The following RCSD1 variants were observed in gnomAD, a reference collection of about 807,000 sequenced individuals.
The protein encoded by RCSD1 is RCSD domain containing 1, also known as capZ-interacting protein.
In RCSD1, 26 loss-of-function variants were observed where a neutral mutation model predicts 42.5. The observed-to-expected ratio is 0.61, with a 90% CI of 0.45 to 0.85. The LOEUF (loss-of-function observed/expected upper bound fraction) is 0.85, where lower values mean the gene tolerates loss of function less well. Among genes scored for constraint, RCSD1 ranks in the 40% least tolerant of loss-of-function variants. The pLI, the probability that RCSD1 is intolerant of heterozygous loss-of-function variation, is 0.00. For missense variants in RCSD1, 571 were observed against 528.3 expected (o/e 1.08, Z -0.79); for synonymous variants, 220 against 212.2 (o/e 1.04, Z -0.32).
intron 1 of RCSD1, among the ~76,000 whole-genome samples, chr1:167,656,638 C>T (rs890649686): frequency 1.6e-4 from 24 of 152,204 alleles, no homozygotes; most frequent in African/African-American, 5.8e-4. Flanking sequence ...TGAGGAACAG[C>T]AGCTCCATTC....
intron 1 of RCSD1, among the ~76,000 whole-genome samples, chr1:167,646,928 A>G (rs1984986): frequency 0.04 from 6,148 of 152,182 alleles, 252 homozygotes; most frequent in African/African-American, 0.092. Context: ...CCAGGAGTTC[A>G]AGGCCAGCCT....
intron 6 of RCSD1, among the ~76,000 whole-genome samples, chr1:167,701,312 C>A (rs570056064): frequency 4.4e-5 from 6 of 137,722 alleles, no homozygotes; most frequent in Admixed American, 3.6e-4. Context: ...TTCTTTCTTT[C>A]TTTCTTTTTT....
chr1:167,630,397 C>G lies in RCSD1; in HGVS notation c.-27C>G, dbSNP rs2102188348. On this transcript the variant is annotated 5_prime_UTR_variant, in exon 1 of 7. Coordinates refer to ENST00000367854, the MANE Select transcript of RCSD1 (RefSeq NM_052862.4). ...CTCCGGCCCGGGCGAGCGGGTGCGT[C>G]TGCCGCAGAGTCGGCACCTGAAGGA... The G allele has an allele frequency of 6.6e-7, 1 of 1,518,448 alleles. No homozygotes were observed. Among genetic ancestry groups the G allele is most frequent in the South Asian group, 1.3e-5 (1 of 79,126 alleles). 94.1% of individuals were successfully genotyped at this position (1,518,448 alleles called of 1,614,324 possible).
chr1:167,693,657 C>T (rs72697733), intron 4 of RCSD1, among the ~76,000 whole-genome samples: 6,949 of 152,244 alleles, frequency 0.046, 213 homozygotes, highest in Middle Eastern at 0.12. Flanking sequence ...TGTGGGGTTG[C>T]TGTGGAGGAC....
intron 3 of RCSD1, among the ~76,000 whole-genome samples, 165 bp downstream of exon 3, chr1:167,685,675 C>A (rs1301738944): frequency 3.3e-5 from 5 of 152,154 alleles, no homozygotes. Context: ...TTTCCTGAAT[C>A]GTTTACTTTG....
intron 1 of RCSD1, among the ~76,000 whole-genome samples, chr1:167,651,327 G>T (rs1265493842): frequency 6.6e-6 from 1 of 152,158 alleles, no homozygotes; most frequent in Admixed American, 6.5e-5. Flanking sequence ...AATGCCACAG[G>T]CTCTGAACAC....
intron 6 of RCSD1, 65 bp from the exon 7 acceptor site, chr1:167,704,599 G>A: frequency 2.2e-6 from 3 of 1,350,856 alleles, no homozygotes; most frequent in Non-Finnish European, 3.2e-6. Context: ...TCCCCAAGGA[G>A]GGATGCTGAG....
At chr1:167,702,389 G>T (rs919670447) in intron 6 of RCSD1, among the ~76,000 whole-genome samples, 1 of 152,224 alleles carries the variant, frequency 6.6e-6, no homozygotes, top group Non-Finnish European at 1.5e-5. Context: ...CAAGCTGGAC[G>T]TATCAAGTCA....
At chr1:167,667,381 A>T (rs1308551218) in intron 1 of RCSD1, among the ~76,000 whole-genome samples, 2 of 152,250 alleles carry the variant, frequency 1.3e-5, no homozygotes, top group African/African-American at 4.8e-5. Context: ...TATTCATAAT[A>T]TATTAATTCT....
At chr1:167,630,467 G>A in intron 1 of RCSD1, 38 bp downstream of exon 1, 12 of 1,524,508 alleles carry the variant, frequency 7.9e-6, no homozygotes, top group Non-Finnish European at 1.1e-5. Context: ...GCTGAGCGGT[G>A]AGCGGTGTAT....
chr1:167,659,551 C>T (rs915333248), intron 1 of RCSD1, among the ~76,000 whole-genome samples: 1 of 152,178 alleles, frequency 6.6e-6, no homozygotes, highest in African/African-American at 2.4e-5. Context: ...CTCAATTTGC[C>T]TTCAGAATGC....
chr1:167,634,441 C>T (rs1333130478), intron 1 of RCSD1, among the ~76,000 whole-genome samples: 1 of 151,808 alleles, frequency 6.6e-6, no homozygotes, highest in Non-Finnish European at 1.5e-5. Context: ...GCAGAATGTC[C>T]ACCACTCCCT....
intron 6 of RCSD1, among the ~76,000 whole-genome samples, chr1:167,703,197 G>T (rs1659684021): frequency 6.6e-6 from 1 of 152,004 alleles, no homozygotes; most frequent in South Asian, 2.1e-4. Flanking sequence ...GTTCTTTTGG[G>T]GACACACTCC....
intron 1 of RCSD1, among the ~76,000 whole-genome samples, chr1:167,652,874 G>A (rs1197029636): frequency 6.6e-6 from 1 of 152,214 alleles, no homozygotes; most frequent in African/African-American, 2.4e-5. Flanking sequence ...TATTTAGATG[G>A]CTTCTAATTT....
chr1:167,696,043 G>A (rs1659490998), intron 5 of RCSD1, among the ~76,000 whole-genome samples: 1 of 152,080 alleles, frequency 6.6e-6, no homozygotes, highest in African/African-American at 2.4e-5. Context: ...AAGGAATCTG[G>A]CTGCTCAGGT....
intron 1 of RCSD1, among the ~76,000 whole-genome samples, chr1:167,658,603 C>T (rs114242948): frequency 0.12 from 18,847 of 150,866 alleles, 1,604 homozygotes; most frequent in Non-Finnish European, 0.17. Context: ...TTTTTTTTTT[C>T]TTTTTTTTGG....
rs1558073281 is a variant in RCSD1 at position 167,644,493 on chromosome 1, ATACATACATAC to A, written c.6+14065_6+14075del. On this transcript the variant is annotated intron_variant, in intron 1 of 6. Coordinates refer to ENST00000367854, the MANE Select transcript of RCSD1 (RefSeq NM_052862.4). ...AAACTCTGTCTCAAAAAATAAATAC[ATACATACATAC>A]ATACATACATACATACATACATACA... Among the ~76,000 whole-genome samples, 319 of 116,916 alleles carry A rather than the reference ATACATACATAC, an allele frequency of 2.7e-3. 1 individual carries two copies. Among genetic ancestry groups the A allele is most frequent in the African/African-American group, 5.4e-3 (190 of 35,050 alleles). The allele number at this position is 116,916 out of a possible 152,430, so 76.7% of individuals were successfully genotyped here. A position where few individuals can be genotyped will look rare whatever the true frequency, so the allele number is the denominator to read the frequency against.
intron 1 of RCSD1, among the ~76,000 whole-genome samples, chr1:167,661,968 G>T (rs1312305654): frequency 1.3e-5 from 2 of 152,226 alleles, no homozygotes; most frequent in African/African-American, 4.8e-5. Flanking sequence ...GATCTGTGCA[G>T]CAACCTTGTA....
At chr1:167,693,092 A>C (rs995068311) in intron 4 of RCSD1, among the ~76,000 whole-genome samples, 2 of 152,226 alleles carry the variant, frequency 1.3e-5, no homozygotes, top group Non-Finnish European at 2.9e-5. Context: ...ATTTAAAGTC[A>C]GATCTGTCGG....
Sources: allele counts gnomAD v4.1 joint callset (sites outside exome capture counted in the v4.1 genomes callset), GRCh38; gene constraint gnomAD v4.1.1; transcripts MANE v1.5; gene names NCBI Gene and HGNC (gene_info 2026-07-23, HGNC 2026-07-21).